The following ABI3BP variants were observed in gnomAD, a reference collection of about 807,000 sequenced individuals.
ABI3BP encodes target of Nesh-SH3.
In ABI3BP, 216 loss-of-function variants were observed where a neutral mutation model predicts 268.6. That is an observed-to-expected ratio of 0.80 (90% confidence interval 0.72 to 0.90). The LOEUF (loss-of-function observed/expected upper bound fraction) is 0.90, where lower values mean the gene tolerates loss of function less well. Among genes scored for constraint, ABI3BP ranks in the 40% least tolerant of loss-of-function variants. ABI3BP has a pLI of 0.00. For missense variants in ABI3BP, 2,090 were observed against 2,182.4 expected, an observed-to-expected ratio of 0.96 and a Z score of 0.84; for synonymous variants, 730 against 730.0, an observed-to-expected ratio of 1.00 and a Z score of 0.00.
In ABI3BP at chr3:100,816,679, T is replaced by C. The variant is rs1199711390; in HGVS notation, c.3229+9A>G. On this transcript the variant is annotated intron_variant, in intron 43 of 67. Coordinates refer to ENST00000471714, the MANE Select transcript of ABI3BP (RefSeq NM_001375547.2). ...CTTGGCTACTTAAGCCAAGGATTCA[T>C]ACATTTACCCGATTTGTTCTGAGGT... 2.0e-6 allele frequency: 3 copies of C among 1,535,230 alleles called. No individual in the cohort carries two copies. The highest frequency in any genetic ancestry group is 2.0e-5 in the Admixed American group (1 of 50,990).
intron 40 of ABI3BP, among the ~76,000 whole-genome samples, chr3:100,819,947 CAAA>C (rs3029879): frequency 0.018 from 1,749 of 94,620 alleles, 17 homozygotes; most frequent in African/African-American, 0.057. Flanking sequence ...GACTCCGTCT[CAAA>C]AAAAAAAAAA....
intron 1 of ABI3BP, among the ~76,000 whole-genome samples, chr3:100,954,975 C>CTTTTTTTT (rs71299382): frequency 3.2e-5 from 3 of 94,768 alleles, no homozygotes; most frequent in Admixed American, 1.3e-4. Context: ...TAAATTTTGT[C>CTTTTTTTT]TTTTTTTTTT....
intron 9 of ABI3BP, among the ~76,000 whole-genome samples, chr3:100,867,877 C>T (rs2099070246): frequency 6.6e-6 from 1 of 151,784 alleles, no homozygotes; most frequent in Non-Finnish European, 1.5e-5. Context: ...TTCCATTTTT[C>T]CTCTTTATGC....
chr3:100,822,553 T>C (rs1560455747), intron 38 of ABI3BP, 36 bp downstream of exon 38: 1 of 1,515,796 alleles, frequency 6.6e-7, no homozygotes, highest in Admixed American at 2.0e-5. Flanking sequence ...TGGCTTAGGC[T>C]GCAGGGACTC....
At chr3:100,806,580 GT>G (rs1435107177) in intron 50 of ABI3BP, among the ~76,000 whole-genome samples, 1 of 152,080 alleles carries the variant, frequency 6.6e-6, no homozygotes, top group Non-Finnish European at 1.5e-5. Flanking sequence ...AATGCATTTT[GT>G]TTTTCATGAC....
At chr3:100,980,481 A>G (rs1036783727) in intron 1 of ABI3BP, among the ~76,000 whole-genome samples, 1 of 152,216 alleles carries the variant, frequency 6.6e-6, no homozygotes, top group African/African-American at 2.4e-5. Flanking sequence ...AGTATTCACT[A>G]TTAATATGGG....
At chr3:100,947,737 A>G (rs1163979559) in intron 1 of ABI3BP, among the ~76,000 whole-genome samples, 1 of 152,190 alleles carries the variant, frequency 6.6e-6, no homozygotes, top group East Asian at 1.9e-4. Context: ...AGTAAGTTGA[A>G]GTTGAGATAG....
Position 100,838,780 on chromosome 3 carries a change from G to A in ABI3BP, c.1946-316C>T, listed in dbSNP as rs371380424. Among the ~76,000 whole-genome samples the A allele has an allele frequency of 3.9e-5, 6 of 152,184 alleles. No homozygotes were observed. In the East Asian group the frequency reaches 9.6e-4, roughly 24 times the overall value. ...TTAGTTCTATGTCTTTGATCAAAAG[G>A]TTTTCTTCAGTATACAAACAGTAAG... On this transcript the variant is annotated intron_variant, in intron 24 of 67. Coordinates refer to ENST00000471714, the MANE Select transcript of ABI3BP (RefSeq NM_001375547.2).
At chr3:100,800,317 A>G (rs1399845253) in intron 51 of ABI3BP, among the ~76,000 whole-genome samples, 1 of 152,122 alleles carries the variant, frequency 6.6e-6, no homozygotes, top group East Asian at 1.9e-4. Flanking sequence ...AAAGAAACAC[A>G]CACAATTTTA....
chr3:100,768,976 TCAACTCAAAGAAAGAAGC>T, intron 62 of ABI3BP, among the ~76,000 whole-genome samples: 1 of 152,212 alleles, frequency 6.6e-6, no homozygotes. Flanking sequence ...TGTGTCCCCA[TCAACTCAAAGAAAGAAGC>T]CAACTCAGGG....
chr3:100,966,985 A>G (rs1164577652), intron 1 of ABI3BP, among the ~76,000 whole-genome samples: 1 of 151,048 alleles, frequency 6.6e-6, no homozygotes, highest in Non-Finnish European at 1.5e-5. Context: ...TGGGAGACTT[A>G]TTGGCAGACC....
At chr3:100,953,216 A>G (rs1381346498) in intron 1 of ABI3BP, among the ~76,000 whole-genome samples, 1 of 152,010 alleles carries the variant, frequency 6.6e-6, no homozygotes, top group Non-Finnish European at 1.5e-5. Context: ...ATAATTACCA[A>G]CCTCATTACC....
At chr3:100,835,504 A>G in intron 28 of ABI3BP, 97 bp downstream of exon 28, 1 of 894,852 alleles carries the variant, frequency 1.1e-6, no homozygotes, top group Non-Finnish European at 1.7e-6. Flanking sequence ...TGATGAGAAA[A>G]TCTTATGAAA....
intron 1 of ABI3BP, among the ~76,000 whole-genome samples, chr3:100,960,836 G>A (rs1001686057): frequency 6.6e-6 from 1 of 152,154 alleles, no homozygotes; most frequent in African/African-American, 2.4e-5. Flanking sequence ...CTTCTGCAAA[G>A]AACCTGAATG....
intron 4 of ABI3BP, among the ~76,000 whole-genome samples, chr3:100,886,831 G>A (rs1373069692): frequency 2.0e-5 from 3 of 151,870 alleles, no homozygotes; most frequent in Non-Finnish European, 2.9e-5. Context: ...TTAAGGTTGA[G>A]CTGTTTTTAT....
chr3:100,819,949 A>T, intron 40 of ABI3BP, among the ~76,000 whole-genome samples: 1 of 47,166 alleles, frequency 2.1e-5, no homozygotes, highest in African/African-American at 1.4e-4. Context: ...CTCCGTCTCA[A>T]AAAAAAAAAA....
intron 20 of ABI3BP, chr3:100,843,688 A>G (rs1441895654): frequency 2.0e-6 from 2 of 984,302 alleles, no homozygotes; most frequent in Non-Finnish European, 2.4e-6. Flanking sequence ...GTATAGGTCT[A>G]AGTACCTCAG....
At chr3:100,904,272 A>G (rs2713790) in intron 2 of ABI3BP, among the ~76,000 whole-genome samples, 148,845 of 152,142 alleles carry the variant, frequency 0.98, 72,879 homozygotes, top group East Asian at 1. Flanking sequence ...TGCTTAGAAA[A>G]GCCCTATGCT....
At chr3:100,911,354 G>GA (rs2056384674) in intron 2 of ABI3BP, 1 of 266,338 alleles carries the variant, frequency 3.8e-6, no homozygotes, top group African/African-American at 2.3e-5. Context: ...GCTTGACCAG[G>GA]AAAAATGTTC....
Sources: gnomAD v4.1 joint callset for allele counts (sites outside exome capture counted in the v4.1 genomes callset) on GRCh38, gnomAD v4.1.1 for gene constraint, MANE v1.5 for transcripts, NCBI Gene and HGNC (gene_info 2026-07-23, HGNC 2026-07-21) for gene names.